ZNF365: variants seen among roughly 807,000 people sequenced by gnomAD.
ZNF365 encodes protein ZNF365.
ZNF365 carries 22 observed loss-of-function variants against 35.0 expected under a neutral mutation model. That is an observed-to-expected ratio of 0.63 (90% CI 0.45 to 0.90). The LOEUF (loss-of-function observed/expected upper bound fraction) is 0.90, where lower values mean the gene tolerates loss of function less well. ZNF365 is among the 40% of genes least tolerant of loss of function. ZNF365 has a pLI of 0.00. For missense variants in ZNF365, 448 were observed against 500.3 expected (o/e 0.90, Z 1.00); for synonymous variants, 188 against 196.2 (o/e 0.96, Z 0.35).
At chr10:62,459,773 G>A (rs137933453) in exon 4 of ZNF365, 1,160 of 1,611,022 alleles carry the variant, frequency 7.2e-4, no homozygotes, top group Non-Finnish European at 9.3e-4. Flanking sequence ...CTCGCCTGGT[G>A]TGCCAAAATG....
intron 3 of ZNF365, among the ~76,000 whole-genome samples, chr10:62,423,260 T>C (rs1357223405): frequency 1.3e-5 from 2 of 152,054 alleles, no homozygotes; most frequent in African/African-American, 2.4e-5. Flanking sequence ...TATAGTAAGA[T>C]ACATTTTGAA....
intron 3 of ZNF365, among the ~76,000 whole-genome samples, chr10:62,454,797 C>A (rs1440943683): frequency 6.6e-6 from 1 of 152,166 alleles, no homozygotes; most frequent in Non-Finnish European, 1.5e-5. Flanking sequence ...AGATGCCACA[C>A]CCTCAAGGAG....
chr10:62,467,669 A>G (rs182498326), intron 4 of ZNF365, among the ~76,000 whole-genome samples: 118 of 152,320 alleles, frequency 7.7e-4, no homozygotes, highest in South Asian at 1.0e-3. Flanking sequence ...GCCTGGACTT[A>G]ATGGAATCAG....
At chr10:62,410,269 G>A (rs1052726322) in intron 3 of ZNF365, among the ~76,000 whole-genome samples, 1 of 152,134 alleles carries the variant, frequency 6.6e-6, no homozygotes, top group African/African-American at 2.4e-5. Flanking sequence ...CTGATTTGGA[G>A]CAGGGCTAAG....
intron 3 of ZNF365, among the ~76,000 whole-genome samples, chr10:62,458,602 T>C (rs941220634): frequency 6.6e-6 from 1 of 152,194 alleles, no homozygotes; most frequent in African/African-American, 2.4e-5. Flanking sequence ...ACATTTTTGC[T>C]ACTGGCTTAA....
intron 3 of ZNF365, among the ~76,000 whole-genome samples, chr10:62,422,968 G>A (rs4636539): frequency 0.63 from 95,857 of 151,974 alleles, 30,438 homozygotes; most frequent in East Asian, 0.77. Context: ...AAATATCCCT[G>A]ATGAGTTGTC....
At chr10:62,467,303 C>T (rs1233401151) in intron 4 of ZNF365, among the ~76,000 whole-genome samples, 17 of 151,524 alleles carry the variant, frequency 1.1e-4, no homozygotes, top group Admixed American at 5.2e-4. Flanking sequence ...TTTTTTTGTT[C>T]CAATACCCTT....
At chr10:62,403,373 G>A (rs1480140868), downstream of ZNF365, among the ~76,000 whole-genome samples, 1 of 152,120 alleles carries the variant, frequency 6.6e-6, no homozygotes, top group Non-Finnish European at 1.5e-5. Flanking sequence ...GATGGAACTG[G>A]ACCCGCCGGG....
At chr10:62,416,421 G>C (rs757667619) in intron 3 of ZNF365, among the ~76,000 whole-genome samples, 2 of 152,074 alleles carry the variant, frequency 1.3e-5, no homozygotes, top group Non-Finnish European at 2.9e-5. Flanking sequence ...CATGTGAAAT[G>C]TTCCCATGTT....
At chr10:62,458,467 AACACACACACAC>A (rs3999114) in intron 3 of ZNF365, among the ~76,000 whole-genome samples, 7 of 148,400 alleles carry the variant, frequency 4.7e-5, no homozygotes, top group South Asian at 2.2e-4. Context: ...CACCATCTTG[AACACACACACAC>A]ACACACACAC....
chr10:62,436,618 A>G (rs975495594), intron 3 of ZNF365, among the ~76,000 whole-genome samples: 1 of 152,246 alleles, frequency 6.6e-6, no homozygotes, highest in Non-Finnish European at 1.5e-5. Flanking sequence ...TAAGAAATGA[A>G]TATTTCCTGA....
intron 3 of ZNF365, among the ~76,000 whole-genome samples, chr10:62,410,380 T>A (rs1839967829): frequency 6.6e-6 from 1 of 152,126 alleles, no homozygotes; most frequent in African/African-American, 2.4e-5. Flanking sequence ...TCTTTTTTTG[T>A]CCTTCAGCTT....
intron 3 of ZNF365, among the ~76,000 whole-genome samples, chr10:62,429,676 T>C (rs1326987123): frequency 6.6e-6 from 1 of 152,238 alleles, no homozygotes; most frequent in Non-Finnish European, 1.5e-5. Flanking sequence ...TTCTAACTTC[T>C]TGGGCAATTT....
chr10:62,389,464 C>T (rs1839588262), intron 3 of ZNF365, among the ~76,000 whole-genome samples: 1 of 151,924 alleles, frequency 6.6e-6, no homozygotes, highest in Non-Finnish European at 1.5e-5. Context: ...GCTTCCACCC[C>T]CGCAGCAAAT....
In ZNF365 at chr10:62,388,428, C is replaced by A. The variant is rs572179220; in HGVS notation, c.776C>A (p.Ala259Glu). ...GTCACATTCAACCATTTCCTGGAAG[C>A]GGCAGCTGAGAAGGAGGTTCAAGGG... ...EVVTFNHFLE[A>E]AAEKEVQGKA... is the part of the protein sequence containing the mutation. Residue 259 changes from alanine to glutamate, a missense_variant, in exon 3 of 5, where the codon GCG (alanine) becomes GAG (glutamate). Physicochemically the swap from Ala to Glu is moderately radical, Grantham distance 107 (BLOSUM62 -1). Transcript: ENST00000395254. 1 of 1,614,202 alleles carries A rather than the reference C, an allele frequency of 6.2e-7. No homozygotes were observed. The highest frequency in any genetic ancestry group is 2.2e-5 in the East Asian group (1 of 44,888).
intron 2 of ZNF365, among the ~76,000 whole-genome samples, chr10:62,379,823 C>T (rs7910473): frequency 0.9 from 136,864 of 152,154 alleles, 62,841 homozygotes; most frequent in East Asian, 1. Context: ...AAGGGAAGAC[C>T]GTATTTTGCC....
intron 4 of ZNF365, among the ~76,000 whole-genome samples, chr10:62,468,269 C>T (rs1840976691): frequency 6.6e-6 from 1 of 152,070 alleles, no homozygotes; most frequent in Non-Finnish European, 1.5e-5. Context: ...TTCTATACTT[C>T]CATAAATATA....
intron 3 of ZNF365, among the ~76,000 whole-genome samples, chr10:62,416,351 C>T (rs1007333522): frequency 3.3e-5 from 5 of 152,076 alleles, no homozygotes; most frequent in African/African-American, 1.2e-4. Flanking sequence ...AGTTAATGTT[C>T]TCCTAACAAA....
At chr10:62,411,437 C>T (rs1436343065) in intron 3 of ZNF365, among the ~76,000 whole-genome samples, 2 of 152,102 alleles carry the variant, frequency 1.3e-5, no homozygotes, top group Non-Finnish European at 2.9e-5. Context: ...TTTAATCTGT[C>T]TTGAGTTAAT....
Sources: gnomAD v4.1 joint callset for allele counts (sites outside exome capture counted in the v4.1 genomes callset) on GRCh38, gnomAD v4.1.1 for gene constraint, MANE v1.5 for transcripts, NCBI Gene and HGNC (gene_info 2026-07-23, HGNC 2026-07-21) for gene names.